Variants in TMEM132C observed in about 807,000 individuals in gnomAD.
TMEM132C encodes transmembrane protein 132C.
TMEM132C carries 29 observed loss-of-function variants against 61.4 expected under a neutral mutation model. That is an observed-to-expected ratio of 0.47 (90% CI 0.35 to 0.64). The LOEUF (loss-of-function observed/expected upper bound fraction) is 0.64, where lower values mean the gene tolerates loss of function less well. TMEM132C is among the 30% of genes least tolerant of loss of function. The pLI, the probability that TMEM132C is intolerant of heterozygous loss-of-function variation, is 0.00. For synonymous variants in TMEM132C, 656 were observed against 633.1 expected (o/e 1.04, Z -0.54); for missense variants, 1,408 against 1,476.9 (o/e 0.95, Z 0.76).
chr12:128,414,672 G>A (rs557152007), intron 1 of TMEM132C, 60 bp from the exon 2 acceptor site: 1 of 1,444,266 alleles, frequency 6.9e-7, no homozygotes, highest in South Asian at 1.5e-5. Context: ...AACAGCTAAT[G>A]AGCAGCCCAT....
At chr12:128,395,462 A>T (rs114896847) in intron 1 of TMEM132C, among the ~76,000 whole-genome samples, 1 of 152,172 alleles carries the variant, frequency 6.6e-6, no homozygotes, top group Non-Finnish European at 1.5e-5. Flanking sequence ...TCTACTTATG[A>T]TGGGGTAACG....
Position 128,296,711 on chromosome 12 carries a change from G to A in TMEM132C, c.85+29224G>A, listed in dbSNP as rs570617118. Among the ~76,000 whole-genome samples, 8 of 152,330 alleles carry A rather than the reference G, an allele frequency of 5.3e-5. No individual in the cohort carries two copies. In the South Asian group the frequency reaches 1.4e-3, roughly 28 times the overall value. ...GTTGTCCTCCGTCAGGTTCATGACT[G>A]TGAGTGTCATGAGGAAGAAGATGGG... On this transcript the variant is annotated intron_variant, in intron 1 of 8. Transcript: ENST00000435159.
intron 1 of TMEM132C, among the ~76,000 whole-genome samples, chr12:128,393,942 G>A (rs1413607898): frequency 1.3e-5 from 2 of 152,188 alleles, no homozygotes; most frequent in East Asian, 1.9e-4. Flanking sequence ...TTAAGTGCAT[G>A]CGAGGCTGAG....
At chr12:128,658,298 C>T (rs1473539908) in intron 4 of TMEM132C, among the ~76,000 whole-genome samples, 2 of 152,222 alleles carry the variant, frequency 1.3e-5, no homozygotes, top group East Asian at 1.9e-4. Flanking sequence ...CCACGATGGT[C>T]GCTGCCCTCT....
chr12:128,301,889 G>T lies in TMEM132C; in HGVS notation c.85+34402G>T, dbSNP rs532486384. 2.3e-4 allele frequency among the ~76,000 whole-genome samples: 35 copies of T among 152,292 alleles called. No homozygotes were observed. The South Asian group carries it at 2.7e-3, about 12-fold the overall frequency. ...TCACAATCATGGCGGAAGGCAAAAG[G>T]CACATCTTACATGGTGGCAGATGAG... On this transcript the variant is annotated intron_variant, in intron 1 of 8. Coordinates refer to ENST00000435159, the MANE Select transcript of TMEM132C (RefSeq NM_001136103.3).
rs539502267 is a variant in TMEM132C at position 128,670,009 on chromosome 12, A to T, written c.1449+449A>T. Among the ~76,000 whole-genome samples, 6 of 152,298 alleles carry T rather than the reference A, an allele frequency of 3.9e-5. No homozygotes were observed. The South Asian group carries it at 1.2e-3, about 32-fold the overall frequency. Reference sequence around the variant, plus strand: ...CACATCTCACATACTTATCTTTTTTATGTGATGAGAACTTAATCTACTCTC... The same window carrying T: ...CACATCTCACATACTTATCTTTTTTTTGTGATGAGAACTTAATCTACTCTC... On this transcript the variant is annotated intron_variant, in intron 5 of 8. Coordinates refer to ENST00000435159, the MANE Select transcript of TMEM132C (RefSeq NM_001136103.3).
chr12:128,567,464 ACACACACACAC>A (rs1189268695), intron 3 of TMEM132C, among the ~76,000 whole-genome samples: 3 of 146,538 alleles, frequency 2.0e-5, no homozygotes. Context: ...ACACACACAC[ACACACACACAC>A]AACTGGTAAC....
chr12:128,414,695 C>G, intron 1 of TMEM132C, 37 bp from the exon 2 acceptor site: 1 of 1,479,752 alleles, frequency 6.8e-7, no homozygotes, highest in Non-Finnish European at 8.9e-7. Flanking sequence ...ATAATCCTGT[C>G]TTTGTCTTTT....
chr12:128,488,560 C>G (rs1038940489), intron 2 of TMEM132C, among the ~76,000 whole-genome samples: 1 of 151,928 alleles, frequency 6.6e-6, no homozygotes, highest in African/African-American at 2.4e-5. Context: ...ACTGGGGAGG[C>G]TGAGGCAGGA....
In TMEM132C at chr12:128,705,359, C is replaced by G. The variant is rs892136086; in HGVS notation, c.2391C>G (p.Val797=). Residue 797 remains valine, a synonymous_variant, in exon 9 of 9, where the codon GTC becomes GTG. Coordinates refer to ENST00000435159, the MANE Select transcript of TMEM132C (RefSeq NM_001136103.3). ...CTGTGGGCGTCGGCAACGTCAGGGT[C>G]AAGTTCGGACAGAACGATGCTGACT... is the stretch of plus-strand genomic sequence containing the variant. ...ILAVGVGNVR[V]KFGQNDADSS... The G allele has an allele frequency of 6.4e-7, 1 of 1,551,310 alleles. No homozygotes were observed. The highest frequency in any genetic ancestry group is 8.7e-7 in the Non-Finnish European group (1 of 1,146,992).
rs1954850837 is a variant in TMEM132C at position 128,707,343 on chromosome 12, C to T, written c.*1048C>T. 6.6e-6 allele frequency: 1 copy of T among 152,228 alleles called. No homozygotes were observed. Among genetic ancestry groups the T allele is most frequent in the African/African-American group, 2.4e-5 (1 of 41,456 alleles). 9.4% of individuals were successfully genotyped at this position (152,228 alleles called of 1,614,324 possible). A position where few individuals can be genotyped will look rare whatever the true frequency, so the allele number is the denominator to read the frequency against. On this transcript the variant is annotated 3_prime_UTR_variant, in exon 9 of 9. Transcript: ENST00000435159. ...AAAAGAGGCCACGCCCAGGTGTAATCAGAGCCAACCTGGTGGGCTTGGTCT... is the reference window on the plus strand; with the variant it reads ...AAAAGAGGCCACGCCCAGGTGTAATTAGAGCCAACCTGGTGGGCTTGGTCT...
chr12:128,336,361 A>G lies in TMEM132C; in HGVS notation c.85+68874A>G, dbSNP rs189399448. ...TGAGAAATAGAATTTTCTCTGTGCA[A>G]TCTGTACTCTGGGAGGGGTTATTTG... On this transcript the variant is annotated intron_variant, in intron 1 of 8. Coordinates refer to ENST00000435159, the MANE Select transcript of TMEM132C (RefSeq NM_001136103.3). 1.6e-3 allele frequency among the ~76,000 whole-genome samples: 250 copies of G among 152,260 alleles called. 5 individuals carry two copies. The highest frequency in any genetic ancestry group is 2.2e-4 in the Non-Finnish European group (15 of 68,010).
chr12:128,577,845 G>C (rs1349022315), intron 3 of TMEM132C, among the ~76,000 whole-genome samples: 1 of 152,166 alleles, frequency 6.6e-6, no homozygotes, highest in African/African-American at 2.4e-5. Flanking sequence ...TTATTAGAAG[G>C]CTTGAAATAC....
chr12:128,577,724 G>A (rs1469775336), intron 3 of TMEM132C, among the ~76,000 whole-genome samples: 1 of 152,164 alleles, frequency 6.6e-6, no homozygotes, highest in South Asian at 2.1e-4. Flanking sequence ...TCTCATCTTG[G>A]GGTCACAAAG....
chr12:128,390,637 A>G (rs1874737341), intron 1 of TMEM132C, among the ~76,000 whole-genome samples: 1 of 152,114 alleles, frequency 6.6e-6, no homozygotes, highest in Admixed American at 6.5e-5. Context: ...AGCTCCACGG[A>G]TTAGGATGAG....
At chr12:128,605,556 A>G (rs1876392166) in intron 3 of TMEM132C, among the ~76,000 whole-genome samples, 1 of 152,194 alleles carries the variant, frequency 6.6e-6, no homozygotes, top group Non-Finnish European at 1.5e-5. Context: ...AATGCATAAA[A>G]TTAACCCTCA....
intron 1 of TMEM132C, among the ~76,000 whole-genome samples, chr12:128,391,264 G>A (rs1176296494): frequency 6.6e-6 from 1 of 152,186 alleles, no homozygotes; most frequent in African/African-American, 2.4e-5. Context: ...TGGAGGAGTG[G>A]CCTGAAGGCC....
chr12:128,359,192 A>G (rs929613280), intron 1 of TMEM132C, among the ~76,000 whole-genome samples: 1 of 152,212 alleles, frequency 6.6e-6, no homozygotes, highest in Non-Finnish European at 1.5e-5. Flanking sequence ...TCCTGCTGCT[A>G]ATAAAGACAT....
Position 128,267,413 on chromosome 12 carries a change from A to T in TMEM132C, c.11A>T (p.Glu4Val). The change falls in exon 1 of 9, where the codon GAG becomes GTG. Residue 4 changes from glutamate to valine, a missense_variant. Coordinates refer to ENST00000435159, the MANE Select transcript of TMEM132C (RefSeq NM_001136103.3). Reference protein sequence around the residue: MRSEGAAPGPAAPL... With the variant: MRSVGAAPGPAAPL... The stretch of plus-strand genomic sequence containing the variant: ...CGGCCGGGACGCAGGATGCGCTCCG[A>T]GGGTGCGGCCCCCGGGCCGGCGGCG... The T allele has an allele frequency of 8.2e-7, 1 of 1,217,942 alleles. No homozygotes were observed. The highest frequency in any genetic ancestry group is 1.0e-6 in the Non-Finnish European group (1 of 980,702). The allele number at this position is 1,217,942 out of a possible 1,614,324, so 75.4% of individuals were successfully genotyped here. A position where few individuals can be genotyped will look rare whatever the true frequency, so the allele number is the denominator to read the frequency against.
Sources: allele counts gnomAD v4.1 joint callset (sites outside exome capture counted in the v4.1 genomes callset), GRCh38; gene constraint gnomAD v4.1.1; transcripts MANE v1.5; gene names NCBI Gene and HGNC (gene_info 2026-07-23, HGNC 2026-07-21).